The following DIAPH3 variants were observed in gnomAD, a reference collection of about 807,000 sequenced individuals.
DIAPH3 encodes diaphanous related formin 3.
A neutral mutation model predicts 144.3 loss-of-function variants in DIAPH3; 117 were observed. The observed-to-expected ratio is 0.81, with a 90% confidence interval of 0.70 to 0.95. The LOEUF (loss-of-function observed/expected upper bound fraction) is 0.95. Ranked by LOEUF, DIAPH3 falls within the 40% of genes least tolerant of loss-of-function variation. The pLI, the probability that DIAPH3 is intolerant of heterozygous loss-of-function variation, is 0.00. For missense variants in DIAPH3, 1,421 were observed against 1,412.7 expected (o/e 1.01, Z -0.09); for synonymous variants, 519 against 488.9 (o/e 1.06, Z -0.81).
At chr13:59,712,097 A>C (rs149293893) in intron 27 of DIAPH3, among the ~76,000 whole-genome samples, 1 of 152,370 alleles carries the variant, frequency 6.6e-6, no homozygotes, top group East Asian at 1.9e-4. Flanking sequence ...TTAGAACAAC[A>C]AAGTCAAGAA....
At chr13:59,820,637 T>TA (rs1294379599) in intron 24 of DIAPH3, among the ~76,000 whole-genome samples, 2 of 151,498 alleles carry the variant, frequency 1.3e-5, no homozygotes, top group African/African-American at 4.8e-5. Context: ...CCCCTCCTTC[T>TA]AAAAAAAGCA....
At chr13:59,743,674 C>T (rs2036571482) in intron 27 of DIAPH3, among the ~76,000 whole-genome samples, 1 of 152,116 alleles carries the variant, frequency 6.6e-6, no homozygotes, top group South Asian at 2.1e-4. Flanking sequence ...TCTTCTAGCC[C>T]TTTTGATTCT....
chr13:59,889,339 T>C (rs1383048717), intron 20 of DIAPH3, among the ~76,000 whole-genome samples: 1 of 152,066 alleles, frequency 6.6e-6, no homozygotes, highest in African/African-American at 2.4e-5. Flanking sequence ...ATAATCACTA[T>C]AAAACTGCCT....
intron 20 of DIAPH3, among the ~76,000 whole-genome samples, chr13:59,906,085 C>T (rs1417412021): frequency 6.6e-6 from 1 of 152,144 alleles, no homozygotes. Context: ...AGAATTTAAA[C>T]CCAGACAATG....
intron 1 of DIAPH3, chr13:60,147,430 C>T (rs1324290116): frequency 6.6e-6 from 1 of 152,198 alleles, no homozygotes; most frequent in Non-Finnish European, 1.5e-5. Flanking sequence ...CTCCCCTTCC[C>T]CTCTATCAGA....
chr13:59,804,957 A>C (rs182561387), intron 25 of DIAPH3, among the ~76,000 whole-genome samples: 24 of 152,272 alleles, frequency 1.6e-4, no homozygotes, highest in Admixed American at 3.9e-4. Context: ...ATGGAGGCCT[A>C]ATTGCTTAGT....
At chr13:60,151,006 T>C (rs567077271) in intron 1 of DIAPH3, among the ~76,000 whole-genome samples, 1 of 149,256 alleles carries the variant, frequency 6.7e-6, no homozygotes. Flanking sequence ...AGGGAATATA[T>C]CCAGGCACCA....
intron 4 of DIAPH3, 102 bp from the exon 5 acceptor site, chr13:60,042,922 A>C: frequency 7.4e-7 from 1 of 1,356,426 alleles, no homozygotes; most frequent in Non-Finnish European, 1.0e-6. Flanking sequence ...AACTACTATA[A>C]TTAACACTAT....
chr13:59,886,131 T>C (rs945632158), intron 20 of DIAPH3, among the ~76,000 whole-genome samples: 1 of 152,184 alleles, frequency 6.6e-6, no homozygotes, highest in Non-Finnish European at 1.5e-5. Context: ...ATATTCCTTT[T>C]ACCAACTTAT....
Position 59,859,467 on chromosome 13 carries a change from C to G in DIAPH3, c.2737+1940G>C, listed in dbSNP as rs2043449045. ...TCAATAAAGAATTTTAAGTATGAGT[C>G]AACATAAATATTTCAAAAACTTCAT... On this transcript the variant is annotated intron_variant, in intron 22 of 27. Transcript: ENST00000400324. Among the ~76,000 whole-genome samples the G allele has an allele frequency of 5.3e-5, 8 of 152,132 alleles. No individual in the cohort carries two copies. In the South Asian group the frequency reaches 1.5e-3, roughly 28 times the overall value.
chr13:60,000,907 C>G (rs778646185), intron 9 of DIAPH3, among the ~76,000 whole-genome samples: 11 of 152,096 alleles, frequency 7.2e-5, no homozygotes, highest in South Asian at 2.1e-4. Flanking sequence ...CAAGATAAAA[C>G]CAATGTATAG....
chr13:60,028,788 C>A (rs541012661), intron 5 of DIAPH3, among the ~76,000 whole-genome samples: 1 of 152,116 alleles, frequency 6.6e-6, no homozygotes, highest in Non-Finnish European at 1.5e-5. Context: ...TGGCCGGGCA[C>A]GGTGCCTCAC....
chr13:60,105,233 C>G (rs1015425788), intron 3 of DIAPH3, among the ~76,000 whole-genome samples: 7 of 150,912 alleles, frequency 4.6e-5, no homozygotes, highest in African/African-American at 1.2e-4. Flanking sequence ...GGTCATTTGA[C>G]TTAAGATACA....
At chr13:60,066,438 C>T (rs1239711064) in intron 4 of DIAPH3, among the ~76,000 whole-genome samples, 1 of 152,074 alleles carries the variant, frequency 6.6e-6, no homozygotes, top group Middle Eastern at 3.2e-3. Flanking sequence ...GTTTAACAAC[C>T]ATTTCTCAGT....
At chr13:59,979,932 CA>C (rs2050894271) in intron 14 of DIAPH3, among the ~76,000 whole-genome samples, 1 of 151,576 alleles carries the variant, frequency 6.6e-6, no homozygotes, top group Admixed American at 6.6e-5. Context: ...ATTGGAATAA[CA>C]AATTAAAAGT....
chr13:60,032,248 C>G (rs2054854424), intron 5 of DIAPH3, among the ~76,000 whole-genome samples: 1 of 152,130 alleles, frequency 6.6e-6, no homozygotes, highest in Non-Finnish European at 1.5e-5. Flanking sequence ...ATTCTTGGGT[C>G]TGAAGAGCAC....
intron 25 of DIAPH3, among the ~76,000 whole-genome samples, chr13:59,802,952 G>T (rs985903103): frequency 2.0e-5 from 3 of 151,728 alleles, no homozygotes; most frequent in African/African-American, 7.3e-5. Flanking sequence ...CCAAAGTGCT[G>T]GGATTACAGG....
intron 21 of DIAPH3, among the ~76,000 whole-genome samples, chr13:59,864,902 T>C (rs2043825537): frequency 6.6e-6 from 1 of 151,964 alleles, no homozygotes; most frequent in Non-Finnish European, 1.5e-5. Flanking sequence ...CATTTCAAAA[T>C]GGGTATTTAA....
At chr13:60,107,933 T>C (rs1341420092) in intron 3 of DIAPH3, among the ~76,000 whole-genome samples, 4 of 152,204 alleles carry the variant, frequency 2.6e-5, no homozygotes, top group African/African-American at 9.6e-5. Context: ...CAACCGATAG[T>C]GAAAATAAGA....
Sources: gnomAD v4.1 joint callset for allele counts (sites outside exome capture counted in the v4.1 genomes callset) on GRCh38, gnomAD v4.1.1 for gene constraint, MANE v1.5 for transcripts, NCBI Gene and HGNC (gene_info 2026-07-23, HGNC 2026-07-21) for gene names.